The following ALK variants were observed in gnomAD, a reference collection of about 807,000 sequenced individuals.
The protein encoded by ALK is ALK receptor tyrosine kinase.
ALK carries 74 observed loss-of-function variants against 163.1 expected under a neutral mutation model. The observed-to-expected ratio is 0.45, with a 90% CI of 0.38 to 0.55. The LOEUF is 0.55. Ranked by LOEUF, ALK falls within the 20% of genes least tolerant of loss-of-function variation. ALK has a pLI of 0.00. For synonymous variants in ALK, 960 were observed against 843.2 expected (o/e 1.14, Z -2.40); for missense variants, 2,063 against 2,105.3 (o/e 0.98, Z 0.39).
At chr2:29,614,298 G>A (rs758953833) in intron 3 of ALK, among the ~76,000 whole-genome samples, 7 of 152,242 alleles carry the variant, frequency 4.6e-5, no homozygotes, top group Non-Finnish European at 1.0e-4. Context: ...GGATCATGTC[G>A]CCTCTCGAAA....
intron 1 of ALK, among the ~76,000 whole-genome samples, chr2:29,866,233 A>G (rs1037228111): frequency 3.2e-4 from 49 of 152,172 alleles, no homozygotes; most frequent in African/African-American, 1.1e-3. Flanking sequence ...TCATCCCTCA[A>G]GAGATAGGTA....
intron 3 of ALK, among the ~76,000 whole-genome samples, chr2:29,665,910 G>T (rs1182280880): frequency 6.6e-6 from 1 of 151,946 alleles, no homozygotes; most frequent in Non-Finnish European, 1.5e-5. Context: ...TTCCTGAGAA[G>T]TAATGAAATA....
intron 4 of ALK, among the ~76,000 whole-genome samples, chr2:29,392,070 G>A (rs1669188517): frequency 6.6e-6 from 1 of 152,220 alleles, no homozygotes; most frequent in African/African-American, 2.4e-5. Context: ...TAAATCCAGT[G>A]TGGCTGATGA....
Position 29,193,792 on chromosome 2 carries a change from C to T in ALK, c.4295G>A (p.Arg1432Gln), listed in dbSNP as rs1374838786. The T allele has an allele frequency of 6.3e-7, 1 of 1,595,354 alleles. No homozygotes were observed. Among genetic ancestry groups the T allele is most frequent in the Non-Finnish European group, 8.5e-7 (1 of 1,170,504 alleles). Residue 1432 changes from arginine (R) to glutamine (Q), a missense_variant, in exon 29 of 29, where the codon CGG becomes CAG. Coordinates refer to ENST00000389048, the MANE Select transcript of ALK (RefSeq NM_004304.5). ...PPLLVSQQAK[R>Q]EEERSPAAPP... ...GGCAGCTGGGCTGCGCTCCTCCTCCCGTTTTGCCTGTTGAGAGACCAGGAG... is the reference window on the plus strand; with the variant it reads ...GGCAGCTGGGCTGCGCTCCTCCTCCTGTTTTGCCTGTTGAGAGACCAGGAG...
chr2:29,813,441 G>A lies in ALK; in HGVS notation c.668-95744C>T, dbSNP rs1664810119. ...TAGGGAGTGGATGGAGGAGGAGGAG[G>A]AGGGAAAGCAGGCTAAGGAAATAAC... On this transcript the variant is annotated intron_variant, in intron 1 of 28. Coordinates refer to ENST00000389048, the MANE Select transcript of ALK (RefSeq NM_004304.5). 2.0e-5 allele frequency among the ~76,000 whole-genome samples: 3 copies of A among 152,266 alleles called. No individual in the cohort carries two copies. In the South Asian group the frequency reaches 6.2e-4, roughly 32 times the overall value.
chr2:29,723,575 C>A (rs1160493333), intron 1 of ALK, among the ~76,000 whole-genome samples: 1 of 152,220 alleles, frequency 6.6e-6, no homozygotes, highest in Non-Finnish European at 1.5e-5. Context: ...GAAATCAGCG[C>A]CCTGGAGGAA....
chr2:29,607,669 T>C (rs1424682396), intron 3 of ALK, among the ~76,000 whole-genome samples: 2 of 152,190 alleles, frequency 1.3e-5, no homozygotes, highest in African/African-American at 4.8e-5. Flanking sequence ...TCTCTTGGCT[T>C]CTGGGACCCC....
At chr2:29,562,201 T>C (rs1674043271) in intron 3 of ALK, among the ~76,000 whole-genome samples, 1 of 152,162 alleles carries the variant, frequency 6.6e-6, no homozygotes, top group South Asian at 2.1e-4. Context: ...TGGATGAGCT[T>C]TAATTGTTAG....
chr2:29,754,021 G>A (rs1488155014), intron 1 of ALK, among the ~76,000 whole-genome samples: 1 of 152,090 alleles, frequency 6.6e-6, no homozygotes, highest in Non-Finnish European at 1.5e-5. Flanking sequence ...CTATACAGAT[G>A]TGGATGTTGG....
At chr2:29,533,602 T>A (rs1673174952) in intron 3 of ALK, among the ~76,000 whole-genome samples, 1 of 152,148 alleles carries the variant, frequency 6.6e-6, no homozygotes, top group South Asian at 2.1e-4. Flanking sequence ...GGAAGGGGAA[T>A]GAGAGGCACA....
chr2:29,370,832 T>C (rs957796762), intron 5 of ALK, among the ~76,000 whole-genome samples: 2 of 152,192 alleles, frequency 1.3e-5, no homozygotes, highest in African/African-American at 4.8e-5. Flanking sequence ...CATCATCCCC[T>C]AGACGTGAGA....
chr2:29,398,729 G>A (rs1669372116), intron 4 of ALK, among the ~76,000 whole-genome samples: 1 of 152,116 alleles, frequency 6.6e-6, no homozygotes. Context: ...TCCGAGGTCA[G>A]AGGACTCTGG....
chr2:29,506,784 A>T (rs1672339295), intron 4 of ALK, among the ~76,000 whole-genome samples: 1 of 151,614 alleles, frequency 6.6e-6, no homozygotes, highest in South Asian at 2.1e-4. Flanking sequence ...CAGGATTTGG[A>T]TGGGGTAAAG....
chr2:29,743,275 T>C lies in ALK; in HGVS notation c.668-25578A>G, dbSNP rs549422425. On this transcript the variant is annotated intron_variant, in intron 1 of 28. Transcript: ENST00000389048. ...AAGCTTACCCAGAAGTTTCCCTTAA[T>C]GAGAATTTCCTCTGTTTCATTTAGA... 4.6e-5 allele frequency among the ~76,000 whole-genome samples: 7 copies of C among 152,362 alleles called. No individual in the cohort carries two copies. In the South Asian group the frequency reaches 8.3e-4, roughly 18 times the overall value.
At chr2:29,746,316 G>A (rs757918618) in intron 1 of ALK, among the ~76,000 whole-genome samples, 14 of 152,154 alleles carry the variant, frequency 9.2e-5, no homozygotes, top group Non-Finnish European at 1.8e-4. Flanking sequence ...TAATTTTTAT[G>A]GAAAATGACA....
intron 3 of ALK, among the ~76,000 whole-genome samples, chr2:29,616,126 G>A (rs555910077): frequency 1.3e-5 from 2 of 152,350 alleles, no homozygotes; most frequent in African/African-American, 4.8e-5. Flanking sequence ...GGCATATTAT[G>A]TCACGAGACA....
intron 1 of ALK, among the ~76,000 whole-genome samples, chr2:29,824,757 G>A (rs1032196475): frequency 1.6e-4 from 25 of 152,164 alleles, no homozygotes; most frequent in Admixed American, 1.6e-3. Flanking sequence ...CAGGCTCGTA[G>A]GCAGAAGGGA....
In ALK at chr2:29,549,164, A is replaced by G. The variant is rs1167890765; in HGVS notation, c.953-17048T>C. 6.3e-5 allele frequency among the ~76,000 whole-genome samples: 9 copies of G among 142,900 alleles called. No homozygotes were observed. The South Asian group carries it at 6.7e-4, about 11-fold the overall frequency. 93.7% of individuals were successfully genotyped at this position (142,900 alleles called of 152,430 possible). A position where few individuals can be genotyped will look rare whatever the true frequency, so the allele number is the denominator to read the frequency against. On this transcript the variant is annotated intron_variant, in intron 3 of 28. Coordinates refer to ENST00000389048, the MANE Select transcript of ALK (RefSeq NM_004304.5). ...CACACACACACACACACACACACGC[A>G]CACACACACGGACACACACATGCAC...
chr2:29,888,487 A>G (rs1222554971), intron 1 of ALK, among the ~76,000 whole-genome samples: 1 of 152,116 alleles, frequency 6.6e-6, no homozygotes, highest in Non-Finnish European at 1.5e-5. Flanking sequence ...TCCCATCGAA[A>G]CAAGTGCAGA....
Sources: allele counts gnomAD v4.1 joint callset (sites outside exome capture counted in the v4.1 genomes callset), GRCh38; gene constraint gnomAD v4.1.1; transcripts MANE v1.5; gene names NCBI Gene and HGNC (gene_info 2026-07-23, HGNC 2026-07-21).